The following WDR25 variants were observed in gnomAD, a reference collection of about 807,000 sequenced individuals.
WDR25 encodes WD repeat domain 25, also known as WD repeat-containing protein 25.
WDR25 carries 35 observed loss-of-function variants against 47.7 expected under a neutral mutation model. The ratio of observed to expected loss-of-function variants is 0.73; its 90% CI spans 0.56 to 0.97. The LOEUF (loss-of-function observed/expected upper bound fraction) is 0.97. Ranked by LOEUF, WDR25 falls within the 50% of genes least tolerant of loss-of-function variation. The pLI, the probability that WDR25 is intolerant of heterozygous loss-of-function variation, is 0.00. For missense variants in WDR25, 634 were observed against 704.7 expected (o/e 0.90, Z 1.14); for synonymous variants, 248 against 278.9 (o/e 0.89, Z 1.10).
chr14:100,408,327 A>T (rs1897605209), intron 2 of WDR25, among the ~76,000 whole-genome samples: 1 of 152,126 alleles, frequency 6.6e-6, no homozygotes, highest in Non-Finnish European at 1.5e-5. Flanking sequence ...GTATCAATGT[A>T]ATTACAATTT....
At chr14:100,492,567 A>G (rs972001069) in intron 4 of WDR25, among the ~76,000 whole-genome samples, 1 of 152,228 alleles carries the variant, frequency 6.6e-6, no homozygotes, top group African/African-American at 2.4e-5. Flanking sequence ...TGCTGATTCT[A>G]TAAATATGAT....
chr14:100,491,613 A>G (rs943573194), intron 4 of WDR25, among the ~76,000 whole-genome samples: 2 of 152,250 alleles, frequency 1.3e-5, no homozygotes. Context: ...TGTTCACGCA[A>G]TGACAAAATC....
At chr14:100,505,923 CTTTTA>C (rs1901094798) in intron 4 of WDR25, among the ~76,000 whole-genome samples, 1 of 152,050 alleles carries the variant, frequency 6.6e-6, no homozygotes, top group South Asian at 2.1e-4. Context: ...ATAATTTCAA[CTTTTA>C]TTTTAGATCC....
In WDR25 at chr14:100,506,176, T is replaced by G. The variant is rs1901103198; in HGVS notation, c.1102-19694T>G. Among the ~76,000 whole-genome samples, 1 of 152,252 alleles carries G rather than the reference T, an allele frequency of 6.6e-6. No homozygotes were observed. Among genetic ancestry groups the G allele is most frequent in the African/African-American group, 2.4e-5 (1 of 41,466 alleles). ...GAAAACATGGAGTATTTTTGTTTTC[T>G]GTTCCTGCATTAATTTGCTTAGGAA... On this transcript the variant is annotated intron_variant, in intron 4 of 6. Transcript: ENST00000402312. This position sits in a 1 kb window ranked among gnomAD's most constrained non-coding sequence, Gnocchi z 4.8.
intron 2 of WDR25, among the ~76,000 whole-genome samples, chr14:100,451,084 G>C (rs781659157): frequency 1.1e-4 from 16 of 152,154 alleles, no homozygotes; most frequent in Non-Finnish European, 2.2e-4. Flanking sequence ...AAAAAAGGTA[G>C]TTTTGGAAGC....
At chr14:100,396,863 C>T (rs1328291910) in intron 2 of WDR25, among the ~76,000 whole-genome samples, 1 of 152,264 alleles carries the variant, frequency 6.6e-6, no homozygotes, top group African/African-American at 2.4e-5. Context: ...GTAACAATAC[C>T]TATCTCACAG....
rs1898626760 is a variant in WDR25 at position 100,440,226 on chromosome 14, G to A, written c.823-27795G>A. Among the ~76,000 whole-genome samples, 2 of 152,216 alleles carry A rather than the reference G, an allele frequency of 1.3e-5. No homozygotes were observed. The highest frequency in any genetic ancestry group is 2.4e-5 in the African/African-American group (1 of 41,452). On this transcript the variant is annotated intron_variant, in intron 2 of 6. Transcript: ENST00000402312. This position sits in a 1 kb window ranked among gnomAD's most constrained non-coding sequence, Gnocchi z 4.4. ...TCCATTCCTCTCTTTATGTGTGTCAGTCATAGCAGGGGAGTGTTTTCCTCT... is the reference window on the plus strand; with the variant it reads ...TCCATTCCTCTCTTTATGTGTGTCAATCATAGCAGGGGAGTGTTTTCCTCT...
chr14:100,417,847 T>C (rs1279321608), intron 2 of WDR25, among the ~76,000 whole-genome samples: 1 of 152,154 alleles, frequency 6.6e-6, no homozygotes, highest in Non-Finnish European at 1.5e-5. Context: ...GACAGGCGTG[T>C]CATGCTGCCC....
chr14:100,464,007 G>T (rs747526724), intron 2 of WDR25, among the ~76,000 whole-genome samples: 1 of 152,058 alleles, frequency 6.6e-6, no homozygotes, highest in Non-Finnish European at 1.5e-5. Flanking sequence ...CTCCCTGCAT[G>T]GCAGCTGGAG....
intron 2 of WDR25, chr14:100,382,104 C>T (rs1316778084): frequency 2.8e-6 from 2 of 702,862 alleles, no homozygotes; most frequent in Non-Finnish European, 5.2e-6. Flanking sequence ...TTGAGCCATG[C>T]CAGCTCTGTG....
intron 3 of WDR25, among the ~76,000 whole-genome samples, chr14:100,482,775 A>G (rs1296340999): frequency 6.6e-6 from 1 of 152,192 alleles, no homozygotes; most frequent in African/African-American, 2.4e-5. Flanking sequence ...GGTTCCCGTG[A>G]GTGGAAATGA....
intron 3 of WDR25, 64 bp from the exon 4 acceptor site, chr14:100,483,929 GT>G: frequency 6.5e-7 from 1 of 1,538,274 alleles, no homozygotes; most frequent in Non-Finnish European, 8.7e-7. Context: ...TGGCATCTTA[GT>G]TTTAAGATAT....
At chr14:100,458,489 A>T (rs965631430) in intron 2 of WDR25, among the ~76,000 whole-genome samples, 2 of 152,154 alleles carry the variant, frequency 1.3e-5, no homozygotes, top group African/African-American at 4.8e-5. Flanking sequence ...CGCTCTCAAT[A>T]ATCAATAGAT....
intron 5 of WDR25, 55 bp downstream of exon 5, chr14:100,526,095 T>C: frequency 1.3e-6 from 2 of 1,591,430 alleles, no homozygotes; most frequent in Admixed American, 1.7e-5. Flanking sequence ...CGTATCCATG[T>C]AGTTCTGGTC....
At chr14:100,495,031 A>G (rs1019993500) in intron 4 of WDR25, among the ~76,000 whole-genome samples, 5 of 152,272 alleles carry the variant, frequency 3.3e-5, no homozygotes, top group African/African-American at 4.8e-5. Flanking sequence ...AGATAAATAC[A>G]TAAAAGAAGA....
chr14:100,529,195 A>T lies in WDR25; in HGVS notation c.1400A>T (p.Tyr467Phe). Residue 467 changes from tyrosine to phenylalanine, a missense_variant, in exon 6 of 7, where the codon TAT becomes TTT. Physicochemically the swap from Tyr to Phe is conservative, Grantham distance 22 (BLOSUM62 3). Coordinates refer to ENST00000402312, the MANE Select transcript of WDR25 (RefSeq NM_001161476.3). This position sits in a 1 kb window ranked among gnomAD's most constrained non-coding sequence, Gnocchi z 5.1. ...TACCGGATGAGCAGACGGCGGCGCTATGAAGGGCACAAGGTACTTCTGTCC... is the reference window on the plus strand; with the variant it reads ...TACCGGATGAGCAGACGGCGGCGCTTTGAAGGGCACAAGGTACTTCTGTCC... Reference protein sequence around the residue: ...WPYRMSRRRRYEGHKVEGYSV... With the variant: ...WPYRMSRRRRFEGHKVEGYSV... The T allele has an allele frequency of 1.2e-6, 2 of 1,613,448 alleles. No homozygotes were observed. The highest frequency in any genetic ancestry group is 1.7e-6 in the Non-Finnish European group (2 of 1,179,746).
chr14:100,403,315 C>T (rs1179122624), intron 2 of WDR25, among the ~76,000 whole-genome samples: 2 of 152,180 alleles, frequency 1.3e-5, no homozygotes, highest in African/African-American at 4.8e-5. Context: ...CCTGGGCTGC[C>T]TTGAATTAGA....
Position 100,449,372 on chromosome 14 carries a change from C to G in WDR25, c.823-18649C>G, listed in dbSNP as rs1475570433. On this transcript the variant is annotated intron_variant, in intron 2 of 6. Coordinates refer to ENST00000402312, the MANE Select transcript of WDR25 (RefSeq NM_001161476.3). The surrounding 1 kb of genome is among the most constrained non-coding windows in gnomAD (Gnocchi z 4.2). Reference sequence around the variant, plus strand: ...GGGAGGCCTCCTTTGGGAGCAGAGACAGCCTGGCACTGGCCTGTGGCGGTT... The same window carrying G: ...GGGAGGCCTCCTTTGGGAGCAGAGAGAGCCTGGCACTGGCCTGTGGCGGTT... Among the ~76,000 whole-genome samples, 2 of 152,234 alleles carry G rather than the reference C, an allele frequency of 1.3e-5. No individual in the cohort carries two copies. The highest frequency in any genetic ancestry group is 4.8e-5 in the African/African-American group (2 of 41,462).
At position 100,498,695 on chromosome 14, in the gene WDR25, CAT is replaced by C. The variant is rs1462454687; in HGVS notation, c.1101+14572_1101+14573del. On this transcript the variant is annotated intron_variant, in intron 4 of 6. Transcript: ENST00000402312. This position sits in a 1 kb window ranked among gnomAD's most constrained non-coding sequence, Gnocchi z 4.2. ...CTGCGTCCTCCTCTTCCAGGGCCAA[CAT>C]GTGAGGTTGTGCAGTCTGTACAGTG... Among the ~76,000 whole-genome samples, 1 of 152,210 alleles carries C rather than the reference CAT, an allele frequency of 6.6e-6. No homozygotes were observed. Among genetic ancestry groups the C allele is most frequent in the East Asian group, 1.9e-4 (1 of 5,190 alleles).
Sources: gnomAD v4.1 joint callset for allele counts (sites outside exome capture counted in the v4.1 genomes callset) on GRCh38, gnomAD v4.1.1 for gene constraint, Gnocchi (gnomAD v3.1) non-coding constraint, MANE v1.5 for transcripts, NCBI Gene and HGNC (gene_info 2026-07-23, HGNC 2026-07-21) for gene names.